Variants in ATP9A observed in about 807,000 individuals in gnomAD.
ATP9A encodes ATPase phospholipid transporting 9A.
Under a neutral mutation model 144.1 loss-of-function variants are expected in ATP9A, and 52 were observed. The observed-to-expected ratio is 0.36, with a 90% confidence interval of 0.29 to 0.45. The LOEUF (loss-of-function observed/expected upper bound fraction) is 0.45. Among genes scored for constraint, ATP9A ranks in the 20% least tolerant of loss-of-function variants. The probability of loss-of-function intolerance (pLI) is 1.00; values close to 1 mark genes in which losing one functional copy is unlikely to be tolerated. For missense variants in ATP9A, 947 were observed against 1,392.7 expected, an observed-to-expected ratio of 0.68 and a Z score of 5.09; for synonymous variants, 582 against 557.4, an observed-to-expected ratio of 1.04 and a Z score of -0.62.
At chr20:51,674,059 A>G (rs1389698471) in intron 11 of ATP9A, 94 bp downstream of exon 11, 20 of 1,382,284 alleles carry the variant, frequency 1.4e-5, no homozygotes, top group African/African-American at 1.5e-5. Flanking sequence ...TCAGAAAACA[A>G]TAATAATAAT....
intron 7 of ATP9A, among the ~76,000 whole-genome samples, chr20:51,693,457 A>ACAGCAAGCACCG (rs1371495868): frequency 6.6e-6 from 1 of 152,142 alleles, no homozygotes; most frequent in Non-Finnish European, 1.5e-5. Context: ...GCTGAAGACG[A>ACAGCAAGCACCG]CAGCAAGCAC....
At position 51,696,093 on chromosome 20, in the gene ATP9A, C is replaced by T; in HGVS notation, c.547G>A (p.Gly183Arg). Residue 183 changes from glycine to arginine, a missense_variant and splice_region_variant, in exon 6 of 28, where the codon GGG (glycine) becomes AGG (arginine). Coordinates refer to ENST00000338821, the MANE Select transcript of ATP9A (RefSeq NM_006045.3). ...TTCCAAATTGATCTCAGATGTTTAC[C>T]GTTTTTTTCTGATGTCCTCAGGAAG... ...MIFLRTSEKN[G>R]SCFLRTDQLD... 1 of 1,612,886 alleles carries T rather than the reference C, an allele frequency of 6.2e-7. No individual in the cohort carries two copies. The highest frequency in any genetic ancestry group is 8.5e-7 in the Non-Finnish European group (1 of 1,178,976).
At chr20:51,657,362 GA>G (rs1195122380) in intron 13 of ATP9A, among the ~76,000 whole-genome samples, 1 of 151,748 alleles carries the variant, frequency 6.6e-6, no homozygotes, top group Non-Finnish European at 1.5e-5. Context: ...AGAGACAGAG[GA>G]AAAAAAATAC....
intron 8 of ATP9A, among the ~76,000 whole-genome samples, chr20:51,690,345 G>A (rs557989199): frequency 1.1e-4 from 16 of 151,970 alleles, no homozygotes; most frequent in South Asian, 2.1e-4. Flanking sequence ...GCGTGAACCC[G>A]GGAGACGGAG....
At chr20:51,737,249 T>C (rs750517449) in intron 1 of ATP9A, among the ~76,000 whole-genome samples, 12 of 152,228 alleles carry the variant, frequency 7.9e-5, no homozygotes, top group Non-Finnish European at 1.3e-4. Flanking sequence ...AGTTCACAAA[T>C]TGGAAGCGTC....
At chr20:51,613,490 G>A (rs558173654) in intron 23 of ATP9A, among the ~76,000 whole-genome samples, 187 bp downstream of exon 23, 24 of 152,340 alleles carry the variant, frequency 1.6e-4, no homozygotes, top group South Asian at 1.0e-3. Context: ...CTATCAGCTG[G>A]AATGCAGCCA....
At chr20:51,767,810 C>T (rs892655747) in intron 1 of ATP9A, among the ~76,000 whole-genome samples, 64 of 152,284 alleles carry the variant, frequency 4.2e-4, no homozygotes, top group African/African-American at 1.4e-3. Context: ...GGGCTGGGAC[C>T]CAGGGGCGCT....
chr20:51,705,901 A>G (rs1408465183), intron 4 of ATP9A, among the ~76,000 whole-genome samples: 2 of 152,204 alleles, frequency 1.3e-5, no homozygotes, highest in Non-Finnish European at 2.9e-5. Flanking sequence ...CTTTATTTCC[A>G]GTGCCACTGA....
intron 15 of ATP9A, among the ~76,000 whole-genome samples, chr20:51,633,841 GAGAC>G (rs2077279730): frequency 6.8e-6 from 1 of 146,190 alleles, no homozygotes; most frequent in African/African-American, 2.5e-5. Context: ...GAGAGGGAGA[GAGAC>G]AGAAAGAGGG....
chr20:51,608,043 CAAAAA>C, intron 25 of ATP9A, among the ~76,000 whole-genome samples: 1 of 116,480 alleles, frequency 8.6e-6, no homozygotes, highest in African/African-American at 3.6e-5. Flanking sequence ...GAATTAGTCT[CAAAAA>C]AAAAAAAAAA....
intron 2 of ATP9A, among the ~76,000 whole-genome samples, chr20:51,726,221 G>A (rs1227383868): frequency 2.0e-5 from 3 of 147,888 alleles, no homozygotes; most frequent in Admixed American, 7.0e-5. Context: ...GCTGAAGCAG[G>A]AGAATTGCTT....
intron 7 of ATP9A, 130 bp downstream of exon 7, chr20:51,693,878 C>T: frequency 1.3e-6 from 1 of 771,242 alleles, no homozygotes; most frequent in East Asian, 2.7e-5. Flanking sequence ...AGGGGCTCTC[C>T]AGGACCCCAC....
intron 11 of ATP9A, 75 bp downstream of exon 11, chr20:51,674,078 C>A (rs1480126142): frequency 6.7e-7 from 1 of 1,486,898 alleles, no homozygotes; most frequent in Non-Finnish European, 9.1e-7. Flanking sequence ...ATAAAAGCCA[C>A]AGAACCATCA....
intron 14 of ATP9A, among the ~76,000 whole-genome samples, chr20:51,655,084 T>C (rs530680444): frequency 1.3e-5 from 2 of 152,302 alleles, no homozygotes; most frequent in East Asian, 3.9e-4. Context: ...TTGCTAAAAA[T>C]TAGGAATAAC....
chr20:51,745,995 C>T (rs1310819445), intron 1 of ATP9A, among the ~76,000 whole-genome samples: 3 of 152,112 alleles, frequency 2.0e-5, no homozygotes, highest in Admixed American at 6.5e-5. Context: ...TACTACGCAG[C>T]CATAAAAAAG....
At chr20:51,604,757 G>C in intron 27 of ATP9A, 60 bp downstream of exon 27, 1 of 1,379,276 alleles carries the variant, frequency 7.3e-7, no homozygotes, top group Non-Finnish European at 9.5e-7. Context: ...ACGGCAGTGA[G>C]ACCTCTGGGC....
intron 15 of ATP9A, among the ~76,000 whole-genome samples, chr20:51,637,880 C>A (rs1477535481): frequency 1.3e-5 from 2 of 150,736 alleles, no homozygotes; most frequent in Non-Finnish European, 3.0e-5. Context: ...CCCTGACTCG[C>A]CAAAGTCCAT....
intron 1 of ATP9A, among the ~76,000 whole-genome samples, chr20:51,741,644 G>A (rs1051339469): frequency 2.0e-5 from 3 of 152,182 alleles, no homozygotes; most frequent in Non-Finnish European, 4.4e-5. Flanking sequence ...CCTGAACAGA[G>A]TTTCCCAAAC....
chr20:51,676,102 G>T (rs201394376), intron 10 of ATP9A, 30 bp downstream of exon 10: 4 of 1,578,634 alleles, frequency 2.5e-6, no homozygotes, highest in South Asian at 2.3e-5. Context: ...GCCCACAGCC[G>T]GTCAATGTAC....
Sources: gnomAD v4.1 joint callset for allele counts (sites outside exome capture counted in the v4.1 genomes callset) on GRCh38, gnomAD v4.1.1 for gene constraint, MANE v1.5 for transcripts, NCBI Gene and HGNC (gene_info 2026-07-23, HGNC 2026-07-21) for gene names.